MICU1: variants seen among roughly 807,000 people sequenced by gnomAD.
The protein encoded by MICU1 is mitochondrial calcium uptake 1.
Under a neutral mutation model 56.8 loss-of-function variants are expected in MICU1, and 45 were observed. That is an observed-to-expected ratio of 0.79 (90% CI 0.62 to 1.02). The LOEUF (loss-of-function observed/expected upper bound fraction) is 1.02, where lower values mean the gene tolerates loss of function less well. Ranked by LOEUF, MICU1 falls within the 50% of genes least tolerant of loss-of-function variation. The pLI is 0.00. For missense variants in MICU1, 504 were observed against 587.1 expected (o/e 0.86, Z 1.46); for synonymous variants, 186 against 195.1 (o/e 0.95, Z 0.39).
chr10:72,568,730 A>T (rs1840509111), intron 1 of MICU1, among the ~76,000 whole-genome samples: 1 of 147,314 alleles, frequency 6.8e-6, no homozygotes, highest in Non-Finnish European at 1.5e-5. Context: ...CAAGATAATT[A>T]CTGGGAAGTT....
intron 4 of MICU1, among the ~76,000 whole-genome samples, chr10:72,549,987 G>A (rs1447034218): frequency 2.7e-5 from 4 of 149,340 alleles, no homozygotes; most frequent in Admixed American, 2.7e-4. Context: ...ACCATATACA[G>A]TCATGTGCTG....
intron 5 of MICU1, chr10:72,509,443 C>G: frequency 1.5e-6 from 2 of 1,313,662 alleles, no homozygotes; most frequent in Non-Finnish European, 2.0e-6. Flanking sequence ...GGAAAGAAAA[C>G]TGGTTAACCA....
At chr10:72,567,563 T>A (rs1250429310) in intron 1 of MICU1, among the ~76,000 whole-genome samples, 8 of 152,060 alleles carry the variant, frequency 5.3e-5, no homozygotes, top group Non-Finnish European at 8.8e-5. Flanking sequence ...GCCAGCAAAA[T>A]GCACTAGAAA....
chr10:72,593,287 C>G (rs1841279108), intron 1 of MICU1, among the ~76,000 whole-genome samples: 1 of 151,814 alleles, frequency 6.6e-6, no homozygotes, highest in Non-Finnish European at 1.5e-5. Flanking sequence ...CTAGCAAGAC[C>G]AATTAGGGAG....
At chr10:72,485,883 ACACACACACACACACG>A (rs1866454484) in intron 6 of MICU1, among the ~76,000 whole-genome samples, 1 of 149,806 alleles carries the variant, frequency 6.7e-6, no homozygotes, top group Non-Finnish European at 1.5e-5. Flanking sequence ...AAGGTCAGTC[ACACACACACACACACG>A]CACACACACA....
intron 2 of MICU1, among the ~76,000 whole-genome samples, chr10:72,564,098 T>C (rs937273440): frequency 6.6e-6 from 1 of 152,108 alleles, no homozygotes; most frequent in Non-Finnish European, 1.5e-5. Context: ...ACAGAACTGA[T>C]GAAATACAAA....
intron 9 of MICU1, among the ~76,000 whole-genome samples, chr10:72,409,900 C>T (rs1199680560): frequency 6.6e-6 from 1 of 152,202 alleles, no homozygotes; most frequent in Non-Finnish European, 1.5e-5. Flanking sequence ...AGACTATTAT[C>T]ATCATCTCAG....
intron 4 of MICU1, among the ~76,000 whole-genome samples, chr10:72,542,840 G>T (rs187903885): frequency 2.4e-4 from 36 of 152,210 alleles, no homozygotes; most frequent in African/African-American, 8.0e-4. Context: ...TTGAAAGATG[G>T]TGAATGCAGA....
intron 9 of MICU1, among the ~76,000 whole-genome samples, chr10:72,416,034 T>C (rs1195094323): frequency 6.6e-6 from 1 of 152,168 alleles, no homozygotes; most frequent in Non-Finnish European, 1.5e-5. Context: ...CAGTAAGTGG[T>C]AGATATGAGT....
At chr10:72,401,767 G>A (rs1589175117) in intron 10 of MICU1, among the ~76,000 whole-genome samples, 1 of 152,128 alleles carries the variant, frequency 6.6e-6, no homozygotes, top group African/African-American at 2.4e-5. Context: ...TGTACGATAG[G>A]ATTACTAATT....
At chr10:72,453,884 G>A (rs575637058) in intron 8 of MICU1, among the ~76,000 whole-genome samples, 1 of 151,596 alleles carries the variant, frequency 6.6e-6, no homozygotes. Flanking sequence ...CACCCAGGCT[G>A]GAGTGCAGTG....
chr10:72,467,502 T>C (rs1294437187), intron 8 of MICU1, among the ~76,000 whole-genome samples: 2 of 152,022 alleles, frequency 1.3e-5, no homozygotes, highest in Admixed American at 1.3e-4. Flanking sequence ...GTATTTTTAA[T>C]AGAAACGGGG....
At chr10:72,600,666 AG>A (rs1841506006) in intron 1 of MICU1, among the ~76,000 whole-genome samples, 1 of 151,420 alleles carries the variant, frequency 6.6e-6, no homozygotes, top group South Asian at 2.1e-4. Context: ...AAAAAAAAAA[AG>A]AAAAAGAAAT....
chr10:72,569,233 A>ATTTTTTTTTTTTTTTTTTTTTTT (rs1231227018), intron 1 of MICU1, among the ~76,000 whole-genome samples: 2 of 40,338 alleles, frequency 5.0e-5, no homozygotes, highest in African/African-American at 1.8e-4. Flanking sequence ...ATATATATAT[A>ATTTTTTTTTTTTTTTTTTTTTTT]TATATTTTTT....
At chr10:72,552,715 C>T (rs1158767980) in intron 3 of MICU1, among the ~76,000 whole-genome samples, 2 of 152,064 alleles carry the variant, frequency 1.3e-5, no homozygotes, top group South Asian at 2.1e-4. Context: ...CCATCACGCC[C>T]GGCTAATGTT....
rs1841131716 is a variant in MICU1, at chr10:72,588,567, G to T, written c.-1-21773C>A. Among the ~76,000 whole-genome samples the T allele has an allele frequency of 2.0e-5, 3 of 152,310 alleles. No homozygotes were observed. The South Asian group carries it at 6.2e-4, about 32-fold the overall frequency. ...AGTATAATAGGAATTGGTTAGTGTA[G>T]TTAGACAACAAAACTCAGTTAGACA... On this transcript the variant is annotated intron_variant, in intron 1 of 11. Transcript: ENST00000361114.
chr10:72,567,940 T>C (rs1013333554), intron 1 of MICU1, among the ~76,000 whole-genome samples: 10 of 152,140 alleles, frequency 6.6e-5, no homozygotes, highest in African/African-American at 1.9e-4. Flanking sequence ...TGAAAAAAGA[T>C]AACTGGTACC....
intron 10 of MICU1, among the ~76,000 whole-genome samples, chr10:72,391,703 A>T (rs1863077891): frequency 6.6e-6 from 1 of 152,074 alleles, no homozygotes; most frequent in Non-Finnish European, 1.5e-5. Flanking sequence ...GAGGCTTATG[A>T]CTATTTGGAA....
chr10:72,549,194 T>G (rs1358123949), intron 4 of MICU1, among the ~76,000 whole-genome samples: 53 of 149,908 alleles, frequency 3.5e-4, no homozygotes, highest in Non-Finnish European at 6.2e-4. Flanking sequence ...TTTTTTGGTT[T>G]TTTTTTTTTT....
Sources: allele counts gnomAD v4.1 joint callset (sites outside exome capture counted in the v4.1 genomes callset), GRCh38; gene constraint gnomAD v4.1.1; transcripts MANE v1.5; gene names NCBI Gene and HGNC (gene_info 2026-07-23, HGNC 2026-07-21).